The following BORCS5 variants were observed in gnomAD, a reference collection of about 807,000 sequenced individuals.
The protein encoded by BORCS5 is BLOC-1-related complex subunit 5.
A neutral mutation model predicts 22.1 loss-of-function variants in BORCS5; 17 were observed. The observed-to-expected ratio is 0.77, with a 90% CI of 0.53 to 1.15. The LOEUF (loss-of-function observed/expected upper bound fraction) is 1.15, where lower values mean the gene tolerates loss of function less well. Ranked by LOEUF, BORCS5 falls within the 50% of genes most tolerant of loss-of-function variation. The pLI is 0.00. For synonymous variants in BORCS5, 117 were observed against 99.8 expected (o/e 1.17, Z -1.03); for missense variants, 247 against 253.2 (o/e 0.98, Z 0.17).
intron 1 of BORCS5, among the ~76,000 whole-genome samples, chr12:12,358,485 A>AG (rs1442952257): frequency 3.9e-5 from 6 of 152,216 alleles, no homozygotes; most frequent in Admixed American, 1.3e-4. Flanking sequence ...TTTCCTTGGA[A>AG]GGGCCAGAGT....
intron 1 of BORCS5, among the ~76,000 whole-genome samples, chr12:12,360,814 G>A (rs940456384): frequency 1.3e-5 from 2 of 151,884 alleles, no homozygotes; most frequent in East Asian, 1.9e-4. Flanking sequence ...TCCGCCTCTC[G>A]GGCTCAAGTG....
chr12:12,379,878 C>T (rs910509491), intron 2 of BORCS5, among the ~76,000 whole-genome samples: 1 of 151,466 alleles, frequency 6.6e-6, no homozygotes, highest in Non-Finnish European at 1.5e-5. Flanking sequence ...GGCCTGACTT[C>T]TACCCTGTCT....
At chr12:12,375,267 C>T (rs926566895) in intron 2 of BORCS5, among the ~76,000 whole-genome samples, 10 of 152,230 alleles carry the variant, frequency 6.6e-5, no homozygotes, top group Non-Finnish European at 1.2e-4. Context: ...TCCGCCTCGG[C>T]CTCCCAAAGT....
chr12:12,384,496 G>A lies in BORCS5; in HGVS notation c.202+23147G>A, dbSNP rs573546373. 7.4e-5 allele frequency among the ~76,000 whole-genome samples: 11 copies of A among 149,576 alleles called. 1 individual carries two copies. Among genetic ancestry groups the A allele is most frequent in the African/African-American group, 2.7e-4 (11 of 40,588 alleles). Reference sequence around the variant, plus strand: ...TTTCTTGAGTACGAGTCACACTCCTGTTTCTTTGTAGGTCTTATAATTTTT... The same window carrying A: ...TTTCTTGAGTACGAGTCACACTCCTATTTCTTTGTAGGTCTTATAATTTTT... On this transcript the variant is annotated intron_variant, in intron 2 of 3. Coordinates refer to ENST00000314565, the MANE Select transcript of BORCS5 (RefSeq NM_058169.6).
chr12:12,359,447 C>T (rs968140898), intron 1 of BORCS5, among the ~76,000 whole-genome samples: 14 of 151,140 alleles, frequency 9.3e-5, no homozygotes, highest in South Asian at 4.2e-4. Context: ...CTGCAACCTC[C>T]GCCTCCCGGA....
intron 2 of BORCS5, among the ~76,000 whole-genome samples, chr12:12,418,245 T>TA (rs1360522320): frequency 5.9e-5 from 9 of 151,484 alleles, no homozygotes; most frequent in African/African-American, 2.2e-4. Context: ...TTCACTGTGT[T>TA]GCCAGGATGG....
intron 2 of BORCS5, among the ~76,000 whole-genome samples, chr12:12,389,889 CT>C (rs1430275751): frequency 1.3e-5 from 2 of 152,110 alleles, no homozygotes; most frequent in African/African-American, 4.8e-5. Flanking sequence ...AGTGATCTTC[CT>C]GTCTCGGCCT....
rs1240417671 is a variant in BORCS5, at chr12:12,465,806, C to A, written c.*30C>A. The A allele has an allele frequency of 1.9e-6, 3 of 1,577,112 alleles. No individual in the cohort carries two copies. Among genetic ancestry groups the A allele is most frequent in the Middle Eastern group, 1.8e-4 (1 of 5,494 alleles). ...TGCCCGGCCTGCCTGGGGCTGGGAGCCCCAGACACCGACACCCTGAGGACG... is the reference window on the plus strand; with the variant it reads ...TGCCCGGCCTGCCTGGGGCTGGGAGACCCAGACACCGACACCCTGAGGACG... On this transcript the variant is annotated 3_prime_UTR_variant, in exon 4 of 4. Transcript: ENST00000314565.
intron 2 of BORCS5, among the ~76,000 whole-genome samples, chr12:12,427,370 T>C (rs979880024): frequency 5.9e-5 from 9 of 151,852 alleles, no homozygotes; most frequent in Non-Finnish European, 4.4e-5. Flanking sequence ...TTACTAGAGA[T>C]GGGGTTTCAC....
chr12:12,451,787 G>T (rs747303066), intron 3 of BORCS5, among the ~76,000 whole-genome samples: 1 of 151,702 alleles, frequency 6.6e-6, no homozygotes, highest in Non-Finnish European at 1.5e-5. Context: ...GCGTGGTGGC[G>T]CTCGCCTGTA....
At chr12:12,386,299 C>G (rs1234723240) in intron 2 of BORCS5, among the ~76,000 whole-genome samples, 1 of 149,998 alleles carries the variant, frequency 6.7e-6, no homozygotes, top group East Asian at 1.9e-4. Context: ...CTGTGCCTGG[C>G]CCCCCATTTG....
At chr12:12,374,062 A>G (rs773249000) in intron 2 of BORCS5, among the ~76,000 whole-genome samples, 2 of 135,736 alleles carry the variant, frequency 1.5e-5, no homozygotes, top group African/African-American at 2.9e-5. Context: ...ATCTCGGCTC[A>G]CTGCAAGCTC....
chr12:12,417,749 C>G (rs1317627382), intron 2 of BORCS5, among the ~76,000 whole-genome samples: 1 of 151,916 alleles, frequency 6.6e-6, no homozygotes, highest in Non-Finnish European at 1.5e-5. Flanking sequence ...TCTGCCTCCT[C>G]ATTGATCCTC....
At chr12:12,426,348 G>A (rs1382935584) in intron 2 of BORCS5, among the ~76,000 whole-genome samples, 1 of 152,234 alleles carries the variant, frequency 6.6e-6, no homozygotes, top group Non-Finnish European at 1.5e-5. Context: ...GGTAACTACA[G>A]CCTATTCCAT....
intron 2 of BORCS5, among the ~76,000 whole-genome samples, chr12:12,381,874 T>C (rs192787219): frequency 6.6e-6 from 1 of 151,560 alleles, no homozygotes; most frequent in East Asian, 1.9e-4. Context: ...AGGTACTGAA[T>C]TATTAACCTG....
chr12:12,452,473 G>C lies in BORCS5; in HGVS notation c.361-13073G>C, dbSNP rs530576674. On this transcript the variant is annotated intron_variant, in intron 3 of 3. Coordinates refer to ENST00000314565, the MANE Select transcript of BORCS5 (RefSeq NM_058169.6). ...TCCCATGATTGTTAAGATTAGGATC[G>C]CCTTGATCGTGGCTGGGTCGGGCCC... 2.1e-3 allele frequency: 1,015 copies of C among 490,382 alleles called. 13 individuals are homozygous for C. The highest frequency in any genetic ancestry group is 0.017 in the African/African-American group (889 of 50,908). 30.4% of individuals were successfully genotyped at this position (490,382 alleles called of 1,614,324 possible).
At chr12:12,397,757 A>G (rs1461631476) in intron 2 of BORCS5, among the ~76,000 whole-genome samples, 1 of 152,228 alleles carries the variant, frequency 6.6e-6, no homozygotes, top group Non-Finnish European at 1.5e-5. Context: ...AGCATTCATT[A>G]AGAAGTGCCT....
chr12:12,429,078 G>A (rs747921928), intron 2 of BORCS5, among the ~76,000 whole-genome samples: 13 of 151,978 alleles, frequency 8.6e-5, no homozygotes, highest in African/African-American at 2.7e-4. Flanking sequence ...GAGATGGTGG[G>A]GACTGAGCAA....
rs77162518 is a variant in BORCS5, at chr12:12,374,628, C to CAAATA, written c.202+13298_202+13302dup. On this transcript the variant is annotated intron_variant, in intron 2 of 3. Coordinates refer to ENST00000314565, the MANE Select transcript of BORCS5 (RefSeq NM_058169.6). ...TGGGTGGCAGAATGAGACCCTGTCT[C>CAAATA]AAATAAAATAAAATAAAATAAAAGA... 1.3e-4 allele frequency among the ~76,000 whole-genome samples: 20 copies of CAAATA among 150,132 alleles called. No homozygotes were observed. The East Asian group carries it at 1.6e-3, about 12-fold the overall frequency.
Sources: allele counts gnomAD v4.1 joint callset (sites outside exome capture counted in the v4.1 genomes callset), GRCh38; gene constraint gnomAD v4.1.1; transcripts MANE v1.5; gene names NCBI Gene and HGNC (gene_info 2026-07-23, HGNC 2026-07-21).